GRIA4: variants seen among roughly 807,000 people sequenced by gnomAD.
GRIA4 encodes the protein glutamate receptor 4.
Under a neutral mutation model 104.0 loss-of-function variants are expected in GRIA4, and 34 were observed. That is an observed-to-expected ratio of 0.33 (90% CI 0.25 to 0.44). The LOEUF (loss-of-function observed/expected upper bound fraction) is 0.44, where lower values mean the gene tolerates loss of function less well. Among genes scored for constraint, GRIA4 ranks in the 20% least tolerant of loss-of-function variants. The pLI is 1.00. For missense variants in GRIA4, 750 were observed against 1,096.5 expected, an observed-to-expected ratio of 0.68 and a Z score of 4.46; for synonymous variants, 386 against 381.9, an observed-to-expected ratio of 1.01 and a Z score of -0.13.
At chr11:105,911,785 T>C (rs1947248648) in intron 10 of GRIA4, 1 of 160,594 alleles carries the variant, frequency 6.2e-6, no homozygotes. Flanking sequence ...AATATATATA[T>C]ATATATATAT....
At position 105,909,497 on chromosome 11, in the gene GRIA4, C is replaced by G. The variant is rs1591433801; in HGVS notation, c.1159-938C>G. ...ACCTGAGTTTTGAATTCAGGCCCTA[C>G]TAAAGTGTAACTTTGTGTAATTTAT... On this transcript the variant is annotated intron_variant, in intron 9 of 16. Coordinates refer to ENST00000282499, the MANE Select transcript of GRIA4 (RefSeq NM_000829.4). 2.6e-5 allele frequency among the ~76,000 whole-genome samples: 4 copies of G among 152,244 alleles called. No homozygotes were observed. In the East Asian group the frequency reaches 7.7e-4, roughly 29 times the overall value.
At chr11:105,842,673 C>T (rs563851620) in intron 4 of GRIA4, 15 of 152,298 alleles carry the variant, frequency 9.8e-5, no homozygotes, top group African/African-American at 2.9e-4. Context: ...TCTCAGCCCA[C>T]ACACTCTTAA....
chr11:105,818,704 A>T (rs576425175), intron 4 of GRIA4, among the ~76,000 whole-genome samples: 1 of 152,146 alleles, frequency 6.6e-6, no homozygotes, highest in African/African-American at 2.4e-5. Flanking sequence ...TGGAGAGGGC[A>T]TAATGGGAAC....
chr11:105,887,379 T>A (rs543787003), intron 5 of GRIA4, 140 bp from the exon 6 acceptor site: 123 of 493,588 alleles, frequency 2.5e-4, no homozygotes, highest in African/African-American at 2.4e-3. Flanking sequence ...CTAACTATAG[T>A]ACGTGACTTT....
In GRIA4 at chr11:105,702,959, T is replaced by G. The variant is rs114882684; in HGVS notation, c.248-50022T>G. 3.6e-3 allele frequency among the ~76,000 whole-genome samples: 541 copies of G among 152,256 alleles called. 3 individuals carry two copies. The highest frequency in any genetic ancestry group is 0.012 in the African/African-American group (517 of 41,532). On this transcript the variant is annotated intron_variant, in intron 3 of 16. Transcript: ENST00000282499. ...ATCTGCCCATCTCAGCCTCCCAATG[T>G]GCTGGGATTAAAGGCATAAGACACA...
At chr11:105,619,749 CAAT>C (rs1468995451) in intron 3 of GRIA4, among the ~76,000 whole-genome samples, 2 of 151,874 alleles carry the variant, frequency 1.3e-5, no homozygotes, top group African/African-American at 4.8e-5. Context: ...AACAGCTTCT[CAAT>C]GAGTTCCAGT....
In GRIA4 at chr11:105,903,909, T is replaced by C. The variant is rs758990253; in HGVS notation, c.981T>C (p.Asn327=). ...RQKIDISRRG[N]AGDCLANPAA... is the part of the protein sequence containing the mutation. ...AAATTGATATCTCAAGGAGAGGAAA[T>C]GCTGGGGATTGTCTGGCAAATCCTG... The change falls in exon 8 of 17, where the codon AAT becomes AAC. Residue 327 remains asparagine (N), a synonymous_variant. Transcript: ENST00000282499. The C allele has an allele frequency of 1.2e-6, 2 of 1,613,486 alleles. No individual in the cohort carries two copies. Among genetic ancestry groups the C allele is most frequent in the South Asian group, 1.1e-5 (1 of 91,058 alleles).
At chr11:105,937,924 C>T (rs1948086590) in intron 14 of GRIA4, among the ~76,000 whole-genome samples, 1 of 152,172 alleles carries the variant, frequency 6.6e-6, no homozygotes, top group African/African-American at 2.4e-5. Context: ...CCAAGCACAT[C>T]ATGTTTAGGT....
chr11:105,963,614 T>C (rs1948793747), intron 14 of GRIA4, among the ~76,000 whole-genome samples: 1 of 152,138 alleles, frequency 6.6e-6, no homozygotes, highest in African/African-American at 2.4e-5. Context: ...TAGTAACTTA[T>C]CTATTGGTCC....
At chr11:105,901,584 A>T (rs1309682314) in intron 7 of GRIA4, among the ~76,000 whole-genome samples, 1 of 152,182 alleles carries the variant, frequency 6.6e-6, no homozygotes, top group African/African-American at 2.4e-5. Context: ...GAAAAGAATT[A>T]TATCTTTTGA....
intron 4 of GRIA4, among the ~76,000 whole-genome samples, chr11:105,757,040 T>A (rs1940351962): frequency 6.6e-6 from 1 of 152,084 alleles, no homozygotes; most frequent in Non-Finnish European, 1.5e-5. Flanking sequence ...AAATTCTCAC[T>A]TGTAACTGAG....
At chr11:105,807,481 A>G (rs2135858032) in intron 4 of GRIA4, among the ~76,000 whole-genome samples, 1 of 152,044 alleles carries the variant, frequency 6.6e-6, no homozygotes, top group South Asian at 2.1e-4. Flanking sequence ...AACTTCTAAG[A>G]GTTTCAAGTG....
Position 105,981,903 on chromosome 11 carries a change from C to G in GRIA4, c.*2164C>G, listed in dbSNP as rs1426287431. The G allele has an allele frequency of 2.0e-5, 3 of 152,720 alleles. No individual in the cohort carries two copies. Among genetic ancestry groups the G allele is most frequent in the South Asian group, 4.1e-4 (2 of 4,830 alleles). 9.5% of individuals were successfully genotyped at this position (152,720 alleles called of 1,614,324 possible). ...TGAGACTGAGTTAGGTGCCCTTTTT[C>G]ATGTCTTTCCCCCATCACGGCACTT... On this transcript the variant is annotated 3_prime_UTR_variant, in exon 17 of 17. Transcript: ENST00000282499.
chr11:105,622,664 C>T (rs1338702803), intron 3 of GRIA4, among the ~76,000 whole-genome samples: 1 of 151,738 alleles, frequency 6.6e-6, no homozygotes, highest in Non-Finnish European at 1.5e-5. Flanking sequence ...CCCTCCTTGT[C>T]CAAATCAATG....
chr11:105,939,700 T>C (rs749890231), intron 14 of GRIA4, among the ~76,000 whole-genome samples: 1 of 152,232 alleles, frequency 6.6e-6, no homozygotes, highest in Non-Finnish European at 1.5e-5. Flanking sequence ...TATAGGATCA[T>C]GACTTCTATA....
chr11:105,869,287 T>C (rs1945535328), intron 5 of GRIA4, among the ~76,000 whole-genome samples: 2 of 152,188 alleles, frequency 1.3e-5, no homozygotes. Flanking sequence ...CAACTAAATA[T>C]GTTTTAGTTG....
At chr11:105,654,148 A>G (rs1458701037) in intron 3 of GRIA4, among the ~76,000 whole-genome samples, 2 of 152,058 alleles carry the variant, frequency 1.3e-5, no homozygotes, top group African/African-American at 4.8e-5. Context: ...AGTTGAATTC[A>G]TAGAAGCAGA....
At chr11:105,659,797 T>C (rs1433734186) in intron 3 of GRIA4, among the ~76,000 whole-genome samples, 1 of 151,754 alleles carries the variant, frequency 6.6e-6, no homozygotes, top group African/African-American at 2.4e-5. Context: ...GCCTGTATCA[T>C]AGGACTGAAA....
intron 5 of GRIA4, among the ~76,000 whole-genome samples, chr11:105,866,214 C>G (rs1302838224): frequency 6.6e-6 from 1 of 152,102 alleles, no homozygotes; most frequent in Non-Finnish European, 1.5e-5. Flanking sequence ...GACAGTTGAG[C>G]TGAGATGATC....
Sources: allele counts gnomAD v4.1 joint callset (sites outside exome capture counted in the v4.1 genomes callset), GRCh38; gene constraint gnomAD v4.1.1; transcripts MANE v1.5; gene names NCBI Gene and HGNC (gene_info 2026-07-23, HGNC 2026-07-21).